Variants in BORA observed in about 807,000 individuals in gnomAD.
BORA encodes the protein protein aurora borealis.
Under a neutral mutation model 55.8 loss-of-function variants are expected in BORA, and 26 were observed. The ratio of observed to expected loss-of-function variants is 0.47; its 90% confidence interval spans 0.34 to 0.65. The LOEUF is 0.65. Ranked by LOEUF, BORA falls within the 30% of genes least tolerant of loss-of-function variation. The probability of loss-of-function intolerance (pLI) is 0.01; values close to 1 mark genes in which losing one functional copy is unlikely to be tolerated. For missense variants in BORA, 568 were observed against 671.5 expected (o/e 0.85, Z 1.70); for synonymous variants, 201 against 216.9 (o/e 0.93, Z 0.64).
intron 2 of BORA, among the ~76,000 whole-genome samples, chr13:72,729,311 T>TA (rs1566217842): frequency 2.0e-5 from 3 of 151,898 alleles, no homozygotes; most frequent in South Asian, 2.1e-4. Flanking sequence ...TTCAAGAACA[T>TA]ACGTTAGCTT....
At position 72,745,080 on chromosome 13, in the gene BORA, T is replaced by A; in HGVS notation, c.611T>A (p.Ile204Asn). 1 of 1,614,150 alleles carries A rather than the reference T, an allele frequency of 6.2e-7. No homozygotes were observed. Among genetic ancestry groups the A allele is most frequent in the Non-Finnish European group, 8.5e-7 (1 of 1,179,974 alleles). Residue 204 changes from isoleucine to asparagine, a missense_variant, in exon 8 of 12, where the codon ATC (isoleucine) becomes AAC (asparagine). Coordinates refer to ENST00000390667, the MANE Select transcript of BORA (RefSeq NM_024808.5). ...CTGTTTTTAGATGGGAACGGAAGCA[T>A]CTCCGACTCCTTACCTTCGGCTTCT... Reference protein sequence around the residue: ...RKLFLDGNGSISDSLPSASPG... With the variant: ...RKLFLDGNGSNSDSLPSASPG...
At chr13:72,730,887 C>CT (rs1202227456) in intron 2 of BORA, among the ~76,000 whole-genome samples, 5 of 74,054 alleles carry the variant, frequency 6.8e-5, no homozygotes, top group African/African-American at 2.0e-4. Context: ...CCCATCTCTA[C>CT]TAAAAAAAAA....
At chr13:72,741,128 G>C (rs7326857) in intron 5 of BORA, among the ~76,000 whole-genome samples, 68,079 of 151,690 alleles carry the variant, frequency 0.45, 15,688 homozygotes, top group Middle Eastern at 0.57. Flanking sequence ...TTATGGACTT[G>C]AGTGAGAATT....
intron 3 of BORA, among the ~76,000 whole-genome samples, chr13:72,733,073 A>T (rs1184493819): frequency 1.3e-5 from 2 of 152,220 alleles, no homozygotes; most frequent in Non-Finnish European, 2.9e-5. Flanking sequence ...AATGGAAAAG[A>T]GTGGGAAAAT....
At position 72,734,966 on chromosome 13, in the gene BORA, T is replaced by G. The variant is rs1475628875; in HGVS notation, c.267T>G (p.Asp89Glu). Reference sequence around the variant, plus strand: ...CTTCTTTATCTTTGTATAGAATAGATAAAGATGTGGAAGACAAAAGACAAA... The same window carrying G: ...CTTCTTTATCTTTGTATAGAATAGAGAAAGATGTGGAAGACAAAAGACAAA... Reference protein sequence around the residue: ...QALYLSHSRIDKDVEDKRQKA... With the variant: ...QALYLSHSRIEKDVEDKRQKA... The change falls in exon 4 of 12, where the codon GAT becomes GAG. Residue 89 changes from aspartate to glutamate, a missense_variant. By Grantham distance (45) the Asp-to-Glu change is conservative. Coordinates refer to ENST00000390667, the MANE Select transcript of BORA (RefSeq NM_024808.5). 3.8e-6 allele frequency: 6 copies of G among 1,579,254 alleles called. No individual in the cohort carries two copies. Among genetic ancestry groups the G allele is most frequent in the African/African-American group, 2.7e-5 (2 of 74,078 alleles).
intron 4 of BORA, among the ~76,000 whole-genome samples, chr13:72,737,002 A>T (rs2032944495): frequency 6.6e-6 from 1 of 151,084 alleles, no homozygotes; most frequent in Admixed American, 6.6e-5. Flanking sequence ...AAAAAAAAAG[A>T]ATCTTTTCCT....
At chr13:72,732,310 C>T (rs1384052524) in intron 3 of BORA, among the ~76,000 whole-genome samples, 1 of 152,064 alleles carries the variant, frequency 6.6e-6, no homozygotes, top group African/African-American at 2.4e-5. Context: ...AAATTAATGT[C>T]CACCCAGAGT....
intron 10 of BORA, among the ~76,000 whole-genome samples, chr13:72,749,344 G>C (rs2033216394): frequency 6.6e-6 from 1 of 152,002 alleles, no homozygotes; most frequent in Non-Finnish European, 1.5e-5. Context: ...CTTTAATGCG[G>C]GTTTCTTTCC....
chr13:72,749,440 T>A (rs2033218739), intron 10 of BORA, among the ~76,000 whole-genome samples: 1 of 152,210 alleles, frequency 6.6e-6, no homozygotes, highest in Admixed American at 6.5e-5. Context: ...AATAATATCT[T>A]AGATTTCTCC....
At chr13:72,748,971 G>A (rs887564860) in intron 10 of BORA, among the ~76,000 whole-genome samples, 17 of 151,926 alleles carry the variant, frequency 1.1e-4, no homozygotes, top group African/African-American at 4.1e-4. Flanking sequence ...CTTCTATTGG[G>A]TAAAAATATG....
At chr13:72,735,697 C>T (rs1454610927) in intron 4 of BORA, among the ~76,000 whole-genome samples, 1 of 152,094 alleles carries the variant, frequency 6.6e-6, no homozygotes, top group African/African-American at 2.4e-5. Flanking sequence ...GCAGTCTCCG[C>T]CTCCCAGGTT....
At chr13:72,730,144 A>G (rs2032781780) in intron 2 of BORA, among the ~76,000 whole-genome samples, 2 of 152,114 alleles carry the variant, frequency 1.3e-5, no homozygotes, top group South Asian at 4.2e-4. Context: ...AGTTCTTTTG[A>G]CCTTGGATCT....
intron 5 of BORA, among the ~76,000 whole-genome samples, chr13:72,742,843 G>A (rs1021091751): frequency 6.6e-6 from 1 of 151,080 alleles, no homozygotes; most frequent in Non-Finnish European, 1.5e-5. Context: ...TTAAAAAAGA[G>A]GAAATTTTGT....
chr13:72,743,681 C>A, intron 6 of BORA, 79 bp downstream of exon 6: 4 of 1,002,498 alleles, frequency 4.0e-6, no homozygotes, highest in Non-Finnish European at 5.9e-6. Context: ...CAGGTAGTAA[C>A]ACTTTACTCT....
chr13:72,752,937 T>C (rs2033317268), intron 10 of BORA: 1 of 152,202 alleles, frequency 6.6e-6, no homozygotes, highest in African/African-American at 2.4e-5. Context: ...TACAGGTAAA[T>C]GGAGCGTTGT....
intron 2 of BORA, among the ~76,000 whole-genome samples, chr13:72,730,888 T>TA (rs372986974): frequency 0.017 from 840 of 48,924 alleles, 14 homozygotes; most frequent in African/African-American, 0.031. Flanking sequence ...CCATCTCTAC[T>TA]AAAAAAAAAA....
chr13:72,745,523 A>T (rs2033123067), intron 8 of BORA, among the ~76,000 whole-genome samples: 2 of 152,178 alleles, frequency 1.3e-5, no homozygotes, highest in Admixed American at 1.3e-4. Flanking sequence ...CATTAGTCAT[A>T]GGGATGTTTT....
In BORA at chr13:72,746,897, A is replaced by T; in HGVS notation, c.1268A>T (p.Asp423Val). The T allele has an allele frequency of 1.2e-6, 2 of 1,614,150 alleles. No individual in the cohort carries two copies. The highest frequency in any genetic ancestry group is 1.7e-6 in the Non-Finnish European group (2 of 1,180,008). ...ASEKELALLQ[D>V]VEREKDNNTV... is the part of the protein sequence containing the mutation. ...GAGAAAGAATTAGCACTGTTGCAGG[A>T]TGTTGAAAGGGAGAAAGACAATAAC... is the stretch of plus-strand genomic sequence containing the variant. Residue 423 changes from aspartate to valine, a missense_variant, in exon 10 of 12, where the codon GAT (aspartate) becomes GTT (valine). Transcript: ENST00000390667.
At chr13:72,745,666 TAATA>T (rs1220041930) in intron 8 of BORA, among the ~76,000 whole-genome samples, 6 of 152,204 alleles carry the variant, frequency 3.9e-5, no homozygotes, top group Non-Finnish European at 1.5e-5. Context: ...GGCTTGGCAT[TAATA>T]AATTTAAAAA....
Sources: allele counts gnomAD v4.1 joint callset (sites outside exome capture counted in the v4.1 genomes callset), GRCh38; gene constraint gnomAD v4.1.1; transcripts MANE v1.5; gene names NCBI Gene and HGNC (gene_info 2026-07-23, HGNC 2026-07-21).